PI4KA: variants seen among roughly 807,000 people sequenced by gnomAD.
PI4KA encodes PI4-kinase alpha.
Under a neutral mutation model 271.4 loss-of-function variants are expected in PI4KA, and 122 were observed. The ratio of observed to expected loss-of-function variants is 0.45; its 90% CI spans 0.39 to 0.52. The LOEUF (loss-of-function observed/expected upper bound fraction) is 0.52, where lower values mean the gene tolerates loss of function less well. Among genes scored for constraint, PI4KA ranks in the 20% least tolerant of loss-of-function variants. The probability of loss-of-function intolerance (pLI) is 0.00; values close to 1 mark genes in which losing one functional copy is unlikely to be tolerated. For missense variants in PI4KA, 1,969 were observed against 2,769.1 expected (o/e 0.71, Z 6.48); for synonymous variants, 1,041 against 1,078.8 (o/e 0.96, Z 0.69).
In PI4KA at chr22:20,708,170, C is replaced by T; in HGVS notation, c.6258-72G>A. On this transcript the variant is annotated intron_variant, in intron 54 of 54. Coordinates refer to ENST00000255882, the MANE Select transcript of PI4KA (RefSeq NM_058004.4). ...GTCTGGGGTCCCTCCCCACAGGGAGCCCTACCTGTCCAATCAGCCCCTTAT... is the reference window on the plus strand; with the variant it reads ...GTCTGGGGTCCCTCCCCACAGGGAGTCCTACCTGTCCAATCAGCCCCTTAT... 6 of 1,187,732 alleles carry T rather than the reference C, an allele frequency of 5.1e-6. No homozygotes were observed. The African/African-American group carries it at 6.0e-5, about 12-fold the overall frequency. 73.6% of individuals were successfully genotyped at this position (1,187,732 alleles called of 1,614,324 possible).
chr22:20,743,334 G>T (rs1297866843), intron 30 of PI4KA, among the ~76,000 whole-genome samples: 1 of 152,104 alleles, frequency 6.6e-6, no homozygotes, highest in African/African-American at 2.4e-5. Context: ...AGTAGAGACA[G>T]GGTTTCACCA....
In PI4KA at chr22:20,793,189, T is replaced by G. The variant is rs568225277; in HGVS notation, c.2328+4A>C. 2 of 1,512,578 alleles carry G rather than the reference T, an allele frequency of 1.3e-6. No individual in the cohort carries two copies. The highest frequency in any genetic ancestry group is 2.7e-5 in the African/African-American group (2 of 73,012). 93.7% of individuals were successfully genotyped at this position (1,512,578 alleles called of 1,614,324 possible). On this transcript the variant is annotated splice_donor_region_variant and intron_variant, in intron 19 of 54. Coordinates refer to ENST00000255882, the MANE Select transcript of PI4KA (RefSeq NM_058004.4). ...TTTTTATCATTCAATTAATGAATAC[T>G]CACCACAGCTATTACAGGAATGAGT...
At chr22:20,849,271 T>C (rs1164484404) in intron 1 of PI4KA, among the ~76,000 whole-genome samples, 1 of 152,218 alleles carries the variant, frequency 6.6e-6, no homozygotes, top group African/African-American at 2.4e-5. Flanking sequence ...GTAGTAACTT[T>C]GGAAAACAGT....
intron 45 of PI4KA, among the ~76,000 whole-genome samples, chr22:20,715,819 T>G (rs879563998): frequency 6.6e-6 from 1 of 152,188 alleles, no homozygotes; most frequent in Non-Finnish European, 1.5e-5. Flanking sequence ...GAGTTCAAGC[T>G]TCTTCAGCTC....
In PI4KA at chr22:20,805,033, C is replaced by T. The variant is rs141064047; in HGVS notation, c.1301G>A (p.Arg434His). 2.5e-6 allele frequency: 4 copies of T among 1,614,026 alleles called. No homozygotes were observed. Among genetic ancestry groups the T allele is most frequent in the Non-Finnish European group, 2.5e-6 (3 of 1,180,014 alleles). Residue 434 changes from arginine to histidine, a missense_variant, in exon 11 of 55, where the codon CGC becomes CAC. Arg to His is a conservative substitution (Grantham distance 29). Around this residue, in one of 13 missense-constraint regions of PI4KA, gnomAD observed 540 missense variants for 555.5 expected, o/e 0.97. Transcript: ENST00000255882. ...IHNELSPLKL[R>H]CQANAACVDL... ...CACACAGGCAGCATTCGCCTGACAG[C>T]GCAGTTTGAGGGGGCTCAGCTCATT... is the stretch of plus-strand genomic sequence containing the variant.
At chr22:20,850,220 T>C (rs1926785910) in intron 1 of PI4KA, among the ~76,000 whole-genome samples, 1 of 151,838 alleles carries the variant, frequency 6.6e-6, no homozygotes, top group Admixed American at 6.6e-5. Context: ...AGCCCAACAT[T>C]CCCTAAAGTA....
chr22:20,798,921 T>TC (rs1363583461), intron 16 of PI4KA, 172 bp downstream of exon 16: 1 of 638,842 alleles, frequency 1.6e-6, no homozygotes. Context: ...AACCTCTTTT[T>TC]CCCCAGCACT....
At chr22:20,839,152 G>C (rs773587770) in intron 1 of PI4KA, among the ~76,000 whole-genome samples, 40 of 152,196 alleles carry the variant, frequency 2.6e-4, no homozygotes, top group Non-Finnish European at 5.1e-4. Context: ...AGGAGACAGA[G>C]GTTGTAGTGA....
chr22:20,777,207 T>A (rs2876904), intron 19 of PI4KA, among the ~76,000 whole-genome samples: 7 of 151,814 alleles, frequency 4.6e-5, no homozygotes, highest in African/African-American at 1.4e-4. Context: ...CCAGGCTAAT[T>A]ATTTTTCTTT....
intron 1 of PI4KA, among the ~76,000 whole-genome samples, chr22:20,850,803 G>A (rs996788629): frequency 6.6e-6 from 1 of 152,098 alleles, no homozygotes; most frequent in African/African-American, 2.4e-5. Context: ...CACTTTGAGA[G>A]GCTGAGGTGA....
At chr22:20,786,717 G>C (rs1051221332) in intron 19 of PI4KA, among the ~76,000 whole-genome samples, 1 of 152,134 alleles carries the variant, frequency 6.6e-6, no homozygotes, top group Non-Finnish European at 1.5e-5. Flanking sequence ...CCCCTGACAG[G>C]TGGTGACAGA....
At position 20,744,707 on chromosome 22, in the gene PI4KA, C is replaced by T. The variant is rs777674333; in HGVS notation, c.3377G>A (p.Ser1126Asn). The change falls in exon 30 of 55, where the codon AGC becomes AAC. Residue 1126 changes from serine (S) to asparagine (N), a missense_variant. Ser to Asn is a conservative substitution (Grantham distance 46). Coordinates refer to ENST00000255882, the MANE Select transcript of PI4KA (RefSeq NM_058004.4). Reference sequence around the variant, plus strand: ...TTTCTTCACACAGGCCGGGCGCTCGCTCAGCTGAGTTGCCTACAGACAGAT... The same window carrying T: ...TTTCTTCACACAGGCCGGGCGCTCGTTCAGCTGAGTTGCCTACAGACAGAT... The part of the protein sequence containing the change: ...QNTTLGATQL[S>N]ERPACVKKDY... The T allele has an allele frequency of 1.9e-6, 3 of 1,614,016 alleles. No individual in the cohort carries two copies. Among genetic ancestry groups the T allele is most frequent in the Non-Finnish European group, 2.5e-6 (3 of 1,179,866 alleles).
Position 20,747,591 on chromosome 22 carries a change from T to C in PI4KA, c.3355A>G (p.Thr1119Ala), listed in dbSNP as rs954805405. 16 of 1,613,544 alleles carry C rather than the reference T, an allele frequency of 9.9e-6. No homozygotes were observed. The highest frequency in any genetic ancestry group is 1.3e-5 in the Non-Finnish European group (15 of 1,179,868). Residue 1119 changes from threonine (T) to alanine (A), a missense_variant, in exon 29 of 55, where the codon ACT (threonine) becomes GCT (alanine). Thr to Ala is a moderately conservative substitution (Grantham distance 58, BLOSUM62 0). Around this residue, in one of 13 missense-constraint regions of PI4KA, gnomAD observed 203 missense variants for 256.8 expected, o/e 0.79. Transcript: ENST00000255882. Reference sequence around the variant, plus strand: ...AGAAGGCTCGCACATACCCCAAGAGTTGTGTTCTGCTTGTTGTAGCCAGCA... The same window carrying C: ...AGAAGGCTCGCACATACCCCAAGAGCTGTGTTCTGCTTGTTGTAGCCAGCA... The part of the protein sequence containing the change: ...HFAGYNKQNT[T>A]LGATQLSERP...
In PI4KA at chr22:20,858,745, C is replaced by T. The variant is rs1261958911; in HGVS notation, c.-20G>A. ...CGCCATCACCTCACGAGCCGCGGCG[C>T]TGCCCGCCGGCTCCCCGCTCCTGGC... On this transcript the variant is annotated 5_prime_UTR_variant, in exon 1 of 55. Transcript: ENST00000255882. 1 of 1,370,804 alleles carries T rather than the reference C, an allele frequency of 7.3e-7. No individual in the cohort carries two copies. The highest frequency in any genetic ancestry group is 3.3e-5 in the East Asian group (1 of 30,096). The allele number at this position is 1,370,804 out of a possible 1,614,324, so 84.9% of individuals were successfully genotyped here. A position where few individuals can be genotyped will look rare whatever the true frequency, so the allele number is the denominator to read the frequency against.
chr22:20,749,277 A>C (rs948141184), intron 28 of PI4KA, among the ~76,000 whole-genome samples: 1 of 152,236 alleles, frequency 6.6e-6, no homozygotes, highest in African/African-American at 2.4e-5. Flanking sequence ...AAACCTCACA[A>C]GAGTTCCTCT....
At chr22:20,816,032 C>A (rs1367692403) in intron 7 of PI4KA, among the ~76,000 whole-genome samples, 1 of 152,036 alleles carries the variant, frequency 6.6e-6, no homozygotes, top group Non-Finnish European at 1.5e-5. Flanking sequence ...CTGCGTCTCC[C>A]AGGTTCAAGT....
chr22:20,725,198 T>C (rs1927202332), intron 42 of PI4KA, among the ~76,000 whole-genome samples: 1 of 152,080 alleles, frequency 6.6e-6, no homozygotes, highest in Non-Finnish European at 1.5e-5. Flanking sequence ...TGCTGCCCAA[T>C]TCATCCAGGG....
intron 19 of PI4KA, among the ~76,000 whole-genome samples, chr22:20,771,602 G>T (rs1335298842): frequency 4.3e-5 from 6 of 141,056 alleles, no homozygotes; most frequent in African/African-American, 1.6e-4. Flanking sequence ...TATTTATTTA[G>T]ACAGAGTCTC....
intron 36 of PI4KA, 73 bp from the exon 37 acceptor site, chr22:20,730,084 T>C: frequency 1.9e-6 from 3 of 1,554,230 alleles, no homozygotes; most frequent in Non-Finnish European, 2.6e-6. Context: ...TAAACTACTA[T>C]TCACCAGAGA....
Sources: gnomAD v4.1 joint callset for allele counts (sites outside exome capture counted in the v4.1 genomes callset) on GRCh38, gnomAD v4.1.1 for gene constraint, gnomAD v4.1.1 regional missense constraint, MANE v1.5 for transcripts, NCBI Gene and HGNC (gene_info 2026-07-23, HGNC 2026-07-21) for gene names.